Variants in TAOK3 observed in about 807,000 individuals in gnomAD.
TAOK3 encodes serine/threonine-protein kinase TAO3.
TAOK3 carries 40 observed loss-of-function variants against 120.4 expected under a neutral mutation model. The observed-to-expected ratio is 0.33, with a 90% CI of 0.26 to 0.43. TAOK3 has a LOEUF of 0.43. Ranked by LOEUF, TAOK3 falls within the 20% of genes least tolerant of loss-of-function variation. The pLI, the probability that TAOK3 is intolerant of heterozygous loss-of-function variation, is 1.00. For synonymous variants in TAOK3, 355 were observed against 387.5 expected (o/e 0.92, Z 0.99); for missense variants, 821 against 1,112.1 (o/e 0.74, Z 3.72).
intron 3 of TAOK3, chr12:118,246,152 T>G (rs1216861062): frequency 3.9e-5 from 56 of 1,432,282 alleles, no homozygotes; most frequent in Non-Finnish European, 5.1e-5. Flanking sequence ...GGAACCGCGG[T>G]GGCTTCCGCG....
Position 118,181,277 on chromosome 12 carries a change from C to G in TAOK3, c.1566+94G>C, listed in dbSNP as rs968708632. 6.5e-6 allele frequency: 7 copies of G among 1,083,504 alleles called. No homozygotes were observed. In the African/African-American group the frequency reaches 9.4e-5, roughly 15 times the overall value. 67.1% of individuals were successfully genotyped at this position (1,083,504 alleles called of 1,614,324 possible). ...CCACCCCGGAAACAACAATTTTCCTCCATCCCCCACTCCTGCCTCTTGCTA... is the reference window on the plus strand; with the variant it reads ...CCACCCCGGAAACAACAATTTTCCTGCATCCCCCACTCCTGCCTCTTGCTA... On this transcript the variant is annotated intron_variant, in intron 15 of 20. Transcript: ENST00000392533.
At chr12:118,281,230 A>G (rs2042088662) in intron 1 of TAOK3, among the ~76,000 whole-genome samples, 1 of 152,112 alleles carries the variant, frequency 6.6e-6, no homozygotes, top group Admixed American at 6.5e-5. Flanking sequence ...TTCCAGTGCT[A>G]TGTTGAATAG....
intron 1 of TAOK3, among the ~76,000 whole-genome samples, chr12:118,324,741 T>G (rs2043861469): frequency 7.7e-6 from 1 of 130,482 alleles, no homozygotes; most frequent in South Asian, 2.9e-4. Context: ...ATTCTTTTTT[T>G]TTTTTTTTTT....
At chr12:118,363,549 T>C (rs1228530597) in intron 1 of TAOK3, among the ~76,000 whole-genome samples, 1 of 152,076 alleles carries the variant, frequency 6.6e-6, no homozygotes, top group Non-Finnish European at 1.5e-5. Flanking sequence ...ACTTAGGGAA[T>C]TCAAAGCAGA....
chr12:118,150,094 G>A lies in TAOK3; in HGVS notation c.*903C>T, dbSNP rs1355346222. On this transcript the variant is annotated 3_prime_UTR_variant, in exon 21 of 21. Transcript: ENST00000392533. ...CTCCAAATACTGAACTGGAAAAGGA[G>A]GGAGGTGGGGAGGAACAGGAGGAGG... The A allele has an allele frequency of 6.6e-6, 1 of 152,532 alleles. No individual in the cohort carries two copies. 9.4% of individuals were successfully genotyped at this position (152,532 alleles called of 1,614,324 possible).
chr12:118,233,524 G>T, intron 9 of TAOK3, 150 bp downstream of exon 9: 2 of 513,652 alleles, frequency 3.9e-6, no homozygotes, highest in Non-Finnish European at 3.3e-6. Context: ...TAATAAATTC[G>T]CATTGCCTAG....
At chr12:118,239,412 T>A in intron 5 of TAOK3, 140 bp from the exon 6 acceptor site, 1 of 560,798 alleles carries the variant, frequency 1.8e-6, no homozygotes, top group Non-Finnish European at 3.2e-6. Flanking sequence ...TGAATTTTTG[T>A]CATCTGGCAC....
At chr12:118,242,690 C>G (rs926375031) in intron 5 of TAOK3, among the ~76,000 whole-genome samples, 3 of 152,076 alleles carry the variant, frequency 2.0e-5, no homozygotes, top group African/African-American at 7.2e-5. Context: ...TGAACCCTAT[C>G]TCTACTAAAA....
chr12:118,268,792 T>C (rs905916182), intron 1 of TAOK3, among the ~76,000 whole-genome samples: 1 of 152,152 alleles, frequency 6.6e-6, no homozygotes, highest in Non-Finnish European at 1.5e-5. Context: ...GTGGATCACC[T>C]GAGGTCAGGA....
chr12:118,218,521 AATGTAAATGTT>A (rs1430313053), intron 9 of TAOK3, among the ~76,000 whole-genome samples: 1 of 152,206 alleles, frequency 6.6e-6, no homozygotes, highest in African/African-American at 2.4e-5. Flanking sequence ...TATCTAGTGT[AATGTAAATGTT>A]ATGTAAATAG....
At chr12:118,335,389 G>A (rs534782244) in intron 1 of TAOK3, among the ~76,000 whole-genome samples, 4 of 152,224 alleles carry the variant, frequency 2.6e-5, no homozygotes, top group African/African-American at 7.2e-5. Flanking sequence ...GAAATTGACC[G>A]ATTTCTCAAT....
In TAOK3 at chr12:118,235,554, A is replaced by G. The variant is rs751492605; in HGVS notation, c.551+4T>C. The stretch of plus-strand genomic sequence containing the variant: ...ACTATGTCATATAGCCTAATTCTAC[A>G]TACCAGTAAGGTGTGCCCACGAAGG... On this transcript the variant is annotated splice_donor_region_variant and intron_variant, in intron 8 of 20. Coordinates refer to ENST00000392533, the MANE Select transcript of TAOK3 (RefSeq NM_016281.4). 2 of 1,610,086 alleles carry G rather than the reference A, an allele frequency of 1.2e-6. No homozygotes were observed. Among genetic ancestry groups the G allele is most frequent in the Admixed American group, 3.3e-5 (2 of 59,796 alleles).
chr12:118,207,884 A>ACATG (rs1195509668), intron 11 of TAOK3, among the ~76,000 whole-genome samples: 2 of 151,912 alleles, frequency 1.3e-5, no homozygotes, highest in Admixed American at 1.3e-4. Context: ...ACACACACAC[A>ACATG]CACACATGCA....
At chr12:118,304,146 G>A (rs988068141) in intron 1 of TAOK3, among the ~76,000 whole-genome samples, 2 of 152,180 alleles carry the variant, frequency 1.3e-5, no homozygotes, top group Non-Finnish European at 2.9e-5. Context: ...GAAAAGGCAA[G>A]CACGTTTTTC....
At position 118,151,282 on chromosome 12, in the gene TAOK3, C is replaced by T. The variant is rs1018646982; in HGVS notation, c.2536-124G>A. On this transcript the variant is annotated intron_variant, in intron 20 of 20. Coordinates refer to ENST00000392533, the MANE Select transcript of TAOK3 (RefSeq NM_016281.4). ...CACATAGGCACACACATGAAGTGCG[C>T]GCGCGCGCACACACACACACACACA... 84 of 537,228 alleles carry T rather than the reference C, an allele frequency of 1.6e-4. No individual in the cohort carries two copies. In the African/African-American group the frequency reaches 2.1e-3, roughly 13 times the overall value. The allele number at this position is 537,228 out of a possible 1,614,324, so 33.3% of individuals were successfully genotyped here. A position where few individuals can be genotyped will look rare whatever the true frequency, so the allele number is the denominator to read the frequency against.
chr12:118,311,226 C>T (rs1288421386), intron 1 of TAOK3, among the ~76,000 whole-genome samples: 22 of 152,102 alleles, frequency 1.4e-4, no homozygotes, highest in Admixed American at 1.4e-3. Context: ...CTTGGGAGAC[C>T]GAGGCAGGTG....
intron 9 of TAOK3, among the ~76,000 whole-genome samples, chr12:118,228,041 T>A (rs939527842): frequency 2.0e-5 from 3 of 152,160 alleles, no homozygotes; most frequent in Middle Eastern, 3.4e-3. Flanking sequence ...CTTTTTCTTC[T>A]AAAAAAATAA....
At chr12:118,268,086 T>C (rs1281737354) in intron 1 of TAOK3, among the ~76,000 whole-genome samples, 2 of 152,138 alleles carry the variant, frequency 1.3e-5, no homozygotes, top group Non-Finnish European at 2.9e-5. Flanking sequence ...TATCACCAAA[T>C]ACTGTTCACA....
At chr12:118,206,386 C>T (rs2038312605) in intron 11 of TAOK3, among the ~76,000 whole-genome samples, 1 of 152,206 alleles carries the variant, frequency 6.6e-6, no homozygotes. Flanking sequence ...ATCTTAATAT[C>T]TCACTGTCTC....
Sources: gnomAD v4.1 joint callset for allele counts (sites outside exome capture counted in the v4.1 genomes callset) on GRCh38, gnomAD v4.1.1 for gene constraint, MANE v1.5 for transcripts, NCBI Gene and HGNC (gene_info 2026-07-23, HGNC 2026-07-21) for gene names.